Variants in HNRNPM observed in about 807,000 individuals in gnomAD.
HNRNPM encodes the protein CEA receptor.
Under a neutral mutation model 73.1 loss-of-function variants are expected in HNRNPM, and 11 were observed. The observed-to-expected ratio is 0.15, with a 90% confidence interval of 0.09 to 0.25. HNRNPM has a LOEUF of 0.25. Among genes scored for constraint, HNRNPM ranks in the 10% least tolerant of loss-of-function variants. The probability of loss-of-function intolerance (pLI) is 1.00; values close to 1 mark genes in which losing one functional copy is unlikely to be tolerated. For synonymous variants in HNRNPM, 407 were observed against 355.2 expected (o/e 1.15, Z -1.64); for missense variants, 789 against 1,067.9 (o/e 0.74, Z 3.64).
chr19:8,460,394 A>G (rs1035045598), intron 2 of HNRNPM, among the ~76,000 whole-genome samples: 1 of 152,176 alleles, frequency 6.6e-6, no homozygotes. Context: ...GAGGATGGGC[A>G]TTACTGATGA....
At chr19:8,472,172 G>GAAA (rs34058302) in intron 10 of HNRNPM, among the ~76,000 whole-genome samples, 4 of 83,554 alleles carry the variant, frequency 4.8e-5, no homozygotes, top group African/African-American at 5.1e-5. Flanking sequence ...TCCGTCTCCA[G>GAAA]AAAAAAAAAA....
At chr19:8,474,331 T>A (rs1028927536) in intron 12 of HNRNPM, 87 bp downstream of exon 12, 77 of 796,714 alleles carry the variant, frequency 9.7e-5, no homozygotes, top group Non-Finnish European at 1.3e-4. Flanking sequence ...ACCCACTGAA[T>A]AAGTGGTTTC....
Position 8,475,327 on chromosome 19 carries a change from C to T in HNRNPM, c.1120+1083C>T, listed in dbSNP as rs1970424729. Among the ~76,000 whole-genome samples the T allele has an allele frequency of 1.3e-5, 2 of 152,214 alleles. 1 individual carries two copies. The highest frequency in any genetic ancestry group is 4.1e-4 in the South Asian group (2 of 4,838). ...TGTGCATGAGAAATTGTAAATTTTC[C>T]TTTTTGAAATCCTTTATGTGTTGGT... On this transcript the variant is annotated intron_variant, in intron 12 of 15. Coordinates refer to ENST00000325495, the MANE Select transcript of HNRNPM (RefSeq NM_005968.5).
rs532788410 is a variant in HNRNPM, at chr19:8,462,377, C to T, written c.284-152C>T. 4 of 690,812 alleles carry T rather than the reference C, an allele frequency of 5.8e-6. No homozygotes were observed. The highest frequency in any genetic ancestry group is 2.2e-5 in the Admixed American group (1 of 45,372). 42.8% of individuals were successfully genotyped at this position (690,812 alleles called of 1,614,324 possible). A position where few individuals can be genotyped will look rare whatever the true frequency, so the allele number is the denominator to read the frequency against. The stretch of plus-strand genomic sequence containing the variant: ...CTACTTTTACTGCACACCTGTAATG[C>T]CTAGTTCGGTGGTTTAGAGAATATG... On this transcript the variant is annotated intron_variant, in intron 2 of 15. Coordinates refer to ENST00000325495, the MANE Select transcript of HNRNPM (RefSeq NM_005968.5). The surrounding 1 kb of genome is among the most constrained non-coding windows in gnomAD (Gnocchi z 4.5).
intron 12 of HNRNPM, among the ~76,000 whole-genome samples, chr19:8,477,637 G>T (rs1970601470): frequency 7.2e-6 from 1 of 138,422 alleles, no homozygotes; most frequent in African/African-American, 2.9e-5. Context: ...GGGAGCTTGG[G>T]TTGACAGAGT....
At chr19:8,450,732 T>A (rs868781681) in intron 1 of HNRNPM, among the ~76,000 whole-genome samples, 38,616 of 146,782 alleles carry the variant, frequency 0.26, 5,591 homozygotes, top group East Asian at 0.5. Flanking sequence ...TTATTATTTT[T>A]TTTTTTTTTG....
chr19:8,449,346 G>A (rs937068032), intron 1 of HNRNPM, among the ~76,000 whole-genome samples: 2 of 152,166 alleles, frequency 1.3e-5, no homozygotes, highest in African/African-American at 4.8e-5. Context: ...TCATAGGGTT[G>A]AAAGCTAAAT....
chr19:8,445,219 C>T (rs1968049132), intron 1 of HNRNPM, 108 bp downstream of exon 1: 7 of 1,012,530 alleles, frequency 6.9e-6, no homozygotes, highest in Admixed American at 8.5e-5. Flanking sequence ...GCGGCCTCGG[C>T]CCCGGCTGTT....
chr19:8,473,283 T>C (rs1970280944), intron 10 of HNRNPM, among the ~76,000 whole-genome samples: 1 of 151,788 alleles, frequency 6.6e-6, no homozygotes, highest in African/African-American at 2.4e-5. Flanking sequence ...GACTGGGTCA[T>C]TAAAGTATGT....
intron 6 of HNRNPM, among the ~76,000 whole-genome samples, chr19:8,465,867 T>C (rs1247859572): frequency 1.3e-5 from 2 of 152,208 alleles, no homozygotes; most frequent in Non-Finnish European, 2.9e-5. Context: ...GGGTGAATGA[T>C]AATACCTCCA....
chr19:8,448,215 G>A (rs1447630886), intron 1 of HNRNPM, among the ~76,000 whole-genome samples: 1 of 152,112 alleles, frequency 6.6e-6, no homozygotes, highest in Admixed American at 6.5e-5. Context: ...GACCACAAAT[G>A]CAGTGAGCTA....
intron 1 of HNRNPM, among the ~76,000 whole-genome samples, chr19:8,448,938 G>T (rs1368939491): frequency 6.6e-6 from 1 of 152,134 alleles, no homozygotes; most frequent in Non-Finnish European, 1.5e-5. Context: ...CTTAAACCCA[G>T]GTTCAGGAAC....
intron 13 of HNRNPM, among the ~76,000 whole-genome samples, chr19:8,484,396 C>T (rs149716493): frequency 0.029 from 4,428 of 152,194 alleles, 236 homozygotes; most frequent in African/African-American, 0.1. Flanking sequence ...AGGCTGGTCG[C>T]GAACTCCTGA....
intron 12 of HNRNPM, among the ~76,000 whole-genome samples, chr19:8,480,427 T>C (rs975792579): frequency 1.4e-5 from 2 of 148,054 alleles, no homozygotes; most frequent in African/African-American, 2.5e-5. Context: ...ATAGATGGCA[T>C]GTGGCTGGGC....
chr19:8,465,953 CA>C (rs1189038542), intron 6 of HNRNPM, among the ~76,000 whole-genome samples: 1 of 152,050 alleles, frequency 6.6e-6, no homozygotes, highest in African/African-American at 2.4e-5. Context: ...ATCAGGGAAA[CA>C]ATTTTTTAAA....
chr19:8,488,574 C>G, intron 15 of HNRNPM, 117 bp from the exon 16 acceptor site: 1 of 840,130 alleles, frequency 1.2e-6, no homozygotes, highest in Non-Finnish European at 1.8e-6. Flanking sequence ...TTGGTTCTCG[C>G]CATTGTATTC....
intron 12 of HNRNPM, 76 bp downstream of exon 12, chr19:8,474,320 G>C: frequency 1.4e-5 from 13 of 929,690 alleles, no homozygotes; most frequent in Non-Finnish European, 2.1e-5. Flanking sequence ...TTAGGCTGCA[G>C]ACCCACTGAA....
chr19:8,462,227 T>C lies in HNRNPM; in HGVS notation c.284-302T>C. 1 of 331,814 alleles carries C rather than the reference T, an allele frequency of 3.0e-6. No individual in the cohort carries two copies. The highest frequency in any genetic ancestry group is 2.1e-5 in the African/African-American group (1 of 48,462). The allele number at this position is 331,814 out of a possible 1,614,324, so 20.6% of individuals were successfully genotyped here. A position where few individuals can be genotyped will look rare whatever the true frequency, so the allele number is the denominator to read the frequency against. On this transcript the variant is annotated intron_variant, in intron 2 of 15. Coordinates refer to ENST00000325495, the MANE Select transcript of HNRNPM (RefSeq NM_005968.5). This position sits in a 1 kb window ranked among gnomAD's most constrained non-coding sequence, Gnocchi z 4.5. ...AAGTAAATCACGCAGACTTCTTTCC[T>C]ATAGATTTGGATTGCCTCTAGTCAT...
Position 8,485,994 on chromosome 19 carries a change from CGAGCGCATGGGCCTGAGCATG to C in HNRNPM, c.1577_1597del (p.Gly526_Met532del), listed in dbSNP as rs778920046. The stretch of plus-strand genomic sequence containing the variant: ...GCGTGGAGCGCATGGGCCCTGCCAT[CGAGCGCATGGGCCTGAGCATG>C]GAGCGCATGGTGCCCGCAGGTATGG... On this transcript the variant is annotated inframe_deletion, in exon 14 of 16. Coordinates refer to ENST00000325495, the MANE Select transcript of HNRNPM (RefSeq NM_005968.5). The C allele has an allele frequency of 1.1e-5, 17 of 1,601,900 alleles. No homozygotes were observed. Among genetic ancestry groups the C allele is most frequent in the East Asian group, 2.2e-5 (1 of 44,770 alleles).
Sources: gnomAD v4.1 joint callset for allele counts (sites outside exome capture counted in the v4.1 genomes callset) on GRCh38, gnomAD v4.1.1 for gene constraint, Gnocchi (gnomAD v3.1) non-coding constraint, MANE v1.5 for transcripts, NCBI Gene and HGNC (gene_info 2026-07-23, HGNC 2026-07-21) for gene names.